The following LRRTM1 variants were observed in gnomAD, a reference collection of about 807,000 sequenced individuals.
LRRTM1 encodes the protein leucine rich repeat transmembrane neuronal 1.
In LRRTM1, 8 loss-of-function variants were observed where a neutral mutation model predicts 37.3. That is an observed-to-expected ratio of 0.21 (90% CI 0.13 to 0.39). The LOEUF (loss-of-function observed/expected upper bound fraction) is 0.39. LRRTM1 is among the 10% of genes least tolerant of loss of function. LRRTM1 has a pLI of 1.00. For synonymous variants in LRRTM1, 326 were observed against 316.8 expected, an observed-to-expected ratio of 1.03 and a Z score of -0.31; for missense variants, 557 against 691.0, an observed-to-expected ratio of 0.81 and a Z score of 2.17.
At chr2:80,297,107 T>G (rs1373862252), downstream of LRRTM1, among the ~76,000 whole-genome samples, 1 of 152,314 alleles carries the variant, frequency 6.6e-6, no homozygotes, top group East Asian at 1.9e-4. Context: ...CATTGCCCAA[T>G]TACCAGTGAC....
intron 2 of LRRTM1, among the ~76,000 whole-genome samples, chr2:80,291,612 C>T (rs935693590): frequency 6.6e-5 from 10 of 152,100 alleles, no homozygotes; most frequent in African/African-American, 2.4e-4. Context: ...GCTTAGTGTC[C>T]CAGGGGCCAG....
At chr2:80,297,086 G>A, downstream of LRRTM1, among the ~76,000 whole-genome samples, 1 of 152,150 alleles carries the variant, frequency 6.6e-6, no homozygotes, top group South Asian at 2.1e-4. Flanking sequence ...TCCTCTATTG[G>A]CAGAGTCCTG....
At chr2:80,299,139 C>A (rs1044067296), downstream of LRRTM1, 3 of 152,018 alleles carry the variant, frequency 2.0e-5, no homozygotes, top group Admixed American at 1.3e-4. Flanking sequence ...AAGTTCTTTT[C>A]AGATAGCACA....
downstream of LRRTM1, among the ~76,000 whole-genome samples, chr2:80,297,196 G>A (rs945839192): frequency 1.3e-5 from 2 of 152,198 alleles, no homozygotes; most frequent in African/African-American, 4.8e-5. Flanking sequence ...TGTTGAGCAT[G>A]TATCCTGTTC....
downstream of LRRTM1, chr2:80,298,561 C>A (rs1675965095): frequency 6.6e-6 from 1 of 152,154 alleles, no homozygotes; most frequent in African/African-American, 2.4e-5. Context: ...TACCAGAGAT[C>A]TGTGTGTACT....
intron 2 of LRRTM1, among the ~76,000 whole-genome samples, chr2:80,294,715 G>T (rs1455682368): frequency 6.6e-6 from 1 of 152,148 alleles, no homozygotes; most frequent in Non-Finnish European, 1.5e-5. Context: ...AATCTGTTGA[G>T]GGTGGGGTCC....
downstream of LRRTM1, among the ~76,000 whole-genome samples, chr2:80,297,620 C>T (rs532653704): frequency 1.3e-5 from 2 of 152,166 alleles, no homozygotes; most frequent in South Asian, 4.2e-4. Context: ...AATTTTGCCT[C>T]CTGAATCCCA....
At chr2:80,299,109 G>A (rs985618677), downstream of LRRTM1, 2 of 152,106 alleles carry the variant, frequency 1.3e-5, no homozygotes, top group African/African-American at 2.4e-5. Flanking sequence ...TGCCCAGGAC[G>A]AGACGTGAAT....
chr2:80,297,912 A>G (rs566110464), downstream of LRRTM1, among the ~76,000 whole-genome samples: 3 of 152,232 alleles, frequency 2.0e-5, no homozygotes, highest in African/African-American at 7.2e-5. Flanking sequence ...TGAAGAAGAA[A>G]GTATTAGGAT....
chr2:80,292,415 G>A (rs1169832732), intron 2 of LRRTM1, among the ~76,000 whole-genome samples: 1 of 152,036 alleles, frequency 6.6e-6, no homozygotes, highest in African/African-American at 2.4e-5. Context: ...TGGGCAAGTT[G>A]TTGACCCACC....
chr2:80,292,473 T>C (rs1192944501), intron 2 of LRRTM1, among the ~76,000 whole-genome samples: 1 of 152,164 alleles, frequency 6.6e-6, no homozygotes, highest in Non-Finnish European at 1.5e-5. Flanking sequence ...AATACTACTC[T>C]GAACGAGGAG....
downstream of LRRTM1, among the ~76,000 whole-genome samples, chr2:80,297,918 A>T (rs1248656746): frequency 6.6e-6 from 1 of 152,116 alleles, no homozygotes; most frequent in Non-Finnish European, 1.5e-5. Flanking sequence ...AGAAAGTATT[A>T]GGATGATTAG....
chr2:80,300,642 TAAAAAC>T (rs1057191266), downstream of LRRTM1, among the ~76,000 whole-genome samples: 1 of 151,768 alleles, frequency 6.6e-6, no homozygotes, highest in Non-Finnish European at 1.5e-5. Flanking sequence ...AAAGGAAAAA[TAAAAAC>T]AGAAAGATGC....
In LRRTM1 at chr2:80,303,009, T is replaced by C. The variant is rs1676507073; in HGVS notation, c.811A>G (p.Met271Val). The C allele has an allele frequency of 6.2e-7, 1 of 1,613,620 alleles. No homozygotes were observed. The highest frequency in any genetic ancestry group is 2.2e-5 in the East Asian group (1 of 44,814). ...MDLSGNEIEY[M>V]EPHVFETVPH... The stretch of plus-strand genomic sequence containing the variant: ...ACGGTCTCGAACACATGGGGCTCCA[T>C]GTACTCGATCTCGTTGCCCGACAAG... The change falls in exon 2 of 2, where the codon ATG becomes GTG. Residue 271 changes from methionine (M) to valine (V), a missense_variant. Physicochemically the swap from Met to Val is conservative, Grantham distance 21 (BLOSUM62 1). Around this residue, in one of 5 missense-constraint regions of LRRTM1, gnomAD observed 200 missense variants for 249.9 expected, o/e 0.80. Transcript: ENST00000295057. This position sits in a 1 kb window ranked among gnomAD's most constrained non-coding sequence, Gnocchi z 7.7.
In LRRTM1 at chr2:80,302,970, A is replaced by T; in HGVS notation, c.850T>A (p.Ser284Thr). 1.2e-6 allele frequency: 2 copies of T among 1,611,574 alleles called. No individual in the cohort carries two copies. The highest frequency in any genetic ancestry group is 1.7e-6 in the Non-Finnish European group (2 of 1,179,642). The change falls in exon 2 of 2, where the codon TCC (serine) becomes ACC (threonine). Residue 284 changes from serine (S) to threonine (T), a missense_variant. By Grantham distance (58) the Ser-to-Thr change is moderately conservative (BLOSUM62 1). Around this residue, in one of 5 missense-constraint regions of LRRTM1, gnomAD observed 200 missense variants for 249.9 expected, o/e 0.80. Coordinates refer to ENST00000295057, the MANE Select transcript of LRRTM1 (RefSeq NM_178839.5). This position sits in a 1 kb window ranked among gnomAD's most constrained non-coding sequence, Gnocchi z 6.4. ...HVFETVPHLQ[S>T]LQLDSNRLTY... Reference sequence around the variant, plus strand: ...AGGCGGTTGGAGTCCAGCTGCAGGGACTGCAGGTGCGGCACGGTCTCGAAC... The same window carrying T: ...AGGCGGTTGGAGTCCAGCTGCAGGGTCTGCAGGTGCGGCACGGTCTCGAAC...
chr2:80,303,506 T>G lies in LRRTM1; in HGVS notation c.314A>C (p.Gln105Pro), dbSNP rs1163663068. The change falls in exon 2 of 2, where the codon CAG (glutamine) becomes CCG (proline). Residue 105 changes from glutamine to proline, a missense_variant. Around this residue, in one of 5 missense-constraint regions of LRRTM1, gnomAD observed 140 missense variants for 138.1 expected, o/e 1.01. Transcript: ENST00000295057. This position sits in a 1 kb window ranked among gnomAD's most constrained non-coding sequence, Gnocchi z 7.7. Reference protein sequence around the residue: ...YLDHNHICSVQGDAFQKLRRV... With the variant: ...YLDHNHICSVPGDAFQKLRRV... ...GCGCAGTTTCTGAAAGGCGTCCCCC[T>G]GCACGGAGCAGATGTGATTGTGATC... 2 of 1,614,108 alleles carry G rather than the reference T, an allele frequency of 1.2e-6. No homozygotes were observed. Among genetic ancestry groups the G allele is most frequent in the East Asian group, 2.2e-5 (1 of 44,878 alleles).
intron 2 of LRRTM1, among the ~76,000 whole-genome samples, chr2:80,294,407 A>G (rs1396373419): frequency 1.3e-5 from 2 of 151,516 alleles, no homozygotes; most frequent in South Asian, 4.2e-4. Flanking sequence ...TGGGAAGGTG[A>G]CTCCCTTCTC....
At chr2:80,294,082 C>T (rs1279637812) in intron 2 of LRRTM1, among the ~76,000 whole-genome samples, 1 of 151,982 alleles carries the variant, frequency 6.6e-6, no homozygotes, top group Non-Finnish European at 1.5e-5. Context: ...AATGACACAA[C>T]CAATCAGAGA....
In LRRTM1 at chr2:80,302,173, C is replaced by G; in HGVS notation, c.*78G>C. ...CATATCAGAGCACAGACAAGGAGAC[C>G]CCAGCCTGGTGCCCGCCGGCCCGTC... On this transcript the variant is annotated 3_prime_UTR_variant, in exon 2 of 2. Transcript: ENST00000295057. The surrounding 1 kb of genome is among the most constrained non-coding windows in gnomAD (Gnocchi z 6.4). 2.6e-6 allele frequency: 4 copies of G among 1,542,900 alleles called. 1 individual carries two copies. The South Asian group carries it at 5.1e-5, about 20-fold the overall frequency.
Sources: allele counts gnomAD v4.1 joint callset (sites outside exome capture counted in the v4.1 genomes callset), GRCh38; gene constraint gnomAD v4.1.1; regional missense constraint gnomAD v4.1.1; non-coding constraint Gnocchi (gnomAD v3.1); transcripts MANE v1.5; gene names NCBI Gene and HGNC (gene_info 2026-07-23, HGNC 2026-07-21).